The following PARVA variants were observed in gnomAD, a reference collection of about 807,000 sequenced individuals.
PARVA encodes alpha-parvin.
A neutral mutation model predicts 52.6 loss-of-function variants in PARVA; 25 were observed. The observed-to-expected ratio is 0.48, with a 90% confidence interval of 0.35 to 0.66. The LOEUF (loss-of-function observed/expected upper bound fraction) is 0.66. PARVA is among the 30% of genes least tolerant of loss of function. The pLI, the probability that PARVA is intolerant of heterozygous loss-of-function variation, is 0.01. For synonymous variants in PARVA, 185 were observed against 179.1 expected (o/e 1.03, Z -0.26); for missense variants, 373 against 450.9 (o/e 0.83, Z 1.56).
chr11:12,387,033 G>T (rs1589937153), intron 1 of PARVA, among the ~76,000 whole-genome samples: 4 of 152,192 alleles, frequency 2.6e-5, no homozygotes, highest in Non-Finnish European at 5.9e-5. Flanking sequence ...TCATAATTAT[G>T]TTCCAGCCAT....
At chr11:12,489,077 C>A (rs1589977542) in intron 4 of PARVA, among the ~76,000 whole-genome samples, 1 of 151,796 alleles carries the variant, frequency 6.6e-6, no homozygotes, top group Non-Finnish European at 1.5e-5. Flanking sequence ...GTAGCCCCAG[C>A]ACTTTGGGAA....
intron 4 of PARVA, among the ~76,000 whole-genome samples, chr11:12,495,147 T>G (rs11022374): frequency 6.6e-6 from 1 of 151,986 alleles, no homozygotes; most frequent in East Asian, 1.9e-4. Context: ...ACATTTAGAT[T>G]TATTCTTGTT....
intron 1 of PARVA, among the ~76,000 whole-genome samples, chr11:12,393,433 G>A (rs1490947332): frequency 6.6e-6 from 1 of 152,176 alleles, no homozygotes; most frequent in Non-Finnish European, 1.5e-5. Context: ...CAAGTTCTTG[G>A]AAGCTTAACA....
chr11:12,503,790 T>G (rs1334761926), intron 5 of PARVA, among the ~76,000 whole-genome samples: 1 of 152,114 alleles, frequency 6.6e-6, no homozygotes, highest in Non-Finnish European at 1.5e-5. Flanking sequence ...ACCACAGGTG[T>G]CCCCTGACCC....
chr11:12,395,385 T>C (rs765144273), intron 1 of PARVA, among the ~76,000 whole-genome samples: 7 of 152,192 alleles, frequency 4.6e-5, no homozygotes, highest in South Asian at 2.1e-4. Context: ...TTGGGAGCCA[T>C]TGGTCAGCTT....
intron 5 of PARVA, among the ~76,000 whole-genome samples, chr11:12,501,192 CAT>C (rs79960211): frequency 0.12 from 17,864 of 151,468 alleles, 1,187 homozygotes; most frequent in Non-Finnish European, 0.16. Context: ...GCCACAAGCA[CAT>C]GTTTGTGTGT....
chr11:12,400,769 CAT>C (rs1417633135), intron 1 of PARVA, among the ~76,000 whole-genome samples: 1 of 152,096 alleles, frequency 6.6e-6, no homozygotes, highest in African/African-American at 2.4e-5. Flanking sequence ...GAATTTCTGA[CAT>C]ATTTTTGTTA....
chr11:12,497,878 G>A (rs1459184217), intron 5 of PARVA, among the ~76,000 whole-genome samples: 2 of 152,138 alleles, frequency 1.3e-5, no homozygotes, highest in African/African-American at 2.4e-5. Flanking sequence ...GTCCTCTAAT[G>A]AAGACTGCTG....
At chr11:12,459,813 GATT>G (rs1940751997) in intron 1 of PARVA, among the ~76,000 whole-genome samples, 2 of 152,090 alleles carry the variant, frequency 1.3e-5, no homozygotes, top group South Asian at 4.2e-4. Context: ...TAAGCAGTAG[GATT>G]ATTTTCTCTT....
At chr11:12,444,675 A>T (rs1402338754) in intron 1 of PARVA, among the ~76,000 whole-genome samples, 1 of 151,926 alleles carries the variant, frequency 6.6e-6, no homozygotes, top group East Asian at 1.9e-4. Flanking sequence ...TGATCCTCCC[A>T]CCTCAGCCTC....
chr11:12,446,304 C>G (rs1453527681), intron 1 of PARVA, among the ~76,000 whole-genome samples: 2 of 152,154 alleles, frequency 1.3e-5, no homozygotes, highest in African/African-American at 4.8e-5. Flanking sequence ...GTTAAAACAA[C>G]TGTGAGTTAC....
At position 12,486,269 on chromosome 11, in the gene PARVA, C is replaced by A. The variant is rs969721242; in HGVS notation, c.400+8320C>A. Among the ~76,000 whole-genome samples the A allele has an allele frequency of 5.3e-5, 8 of 152,206 alleles. No homozygotes were observed. In the East Asian group the frequency reaches 1.5e-3, roughly 29 times the overall value. On this transcript the variant is annotated intron_variant, in intron 4 of 12. Transcript: ENST00000334956. ...AAATAAAGGGCTGGGCGCCGTGGCT[C>A]ACACCTGTAATCTCAGCACTTTGGG...
intron 10 of PARVA, among the ~76,000 whole-genome samples, chr11:12,517,303 A>ACCCCCCCC (rs1564869136): frequency 8.9e-5 from 10 of 112,478 alleles, no homozygotes; most frequent in African/African-American, 2.8e-4. Context: ...AGCCACACTG[A>ACCCCCCCC]CCACCCCCCA....
chr11:12,461,011 C>T (rs1057189409), intron 1 of PARVA, among the ~76,000 whole-genome samples: 6 of 152,116 alleles, frequency 3.9e-5, no homozygotes, highest in South Asian at 2.1e-4. Flanking sequence ...TTGCAGTTTG[C>T]GGGATGCAGC....
chr11:12,496,380 A>AAGTGCATGCAG (rs1182993501), intron 4 of PARVA, 78 bp from the exon 5 acceptor site: 4 of 1,112,470 alleles, frequency 3.6e-6, no homozygotes, highest in Non-Finnish European at 4.9e-6. Context: ...GAGAGACCGA[A>AAGTGCATGCAG]TAACTGAGTA....
chr11:12,476,118 A>G (rs1564856948), intron 3 of PARVA, among the ~76,000 whole-genome samples: 1 of 152,138 alleles, frequency 6.6e-6, no homozygotes, highest in Non-Finnish European at 1.5e-5. Flanking sequence ...TGGGCTCCAA[A>G]TGGTTTAGGC....
chr11:12,423,698 A>G (rs1940186363), intron 1 of PARVA, among the ~76,000 whole-genome samples: 1 of 152,166 alleles, frequency 6.6e-6, no homozygotes, highest in Non-Finnish European at 1.5e-5. Flanking sequence ...AGGTTGTTCC[A>G]CCAGCATTTA....
intron 9 of PARVA, 49 bp downstream of exon 9, chr11:12,513,409 A>G (rs375990741): frequency 6.5e-7 from 1 of 1,530,212 alleles, no homozygotes; most frequent in Non-Finnish European, 9.1e-7. Flanking sequence ...GATGCAACAG[A>G]ACATTGGGAA....
intron 5 of PARVA, among the ~76,000 whole-genome samples, chr11:12,497,397 C>T (rs774799501): frequency 1.3e-4 from 20 of 152,146 alleles, no homozygotes; most frequent in Admixed American, 2.6e-4. Flanking sequence ...TGCTTTATTG[C>T]GTCTAACTTA....
Sources: allele counts gnomAD v4.1 joint callset (sites outside exome capture counted in the v4.1 genomes callset), GRCh38; gene constraint gnomAD v4.1.1; transcripts MANE v1.5; gene names NCBI Gene and HGNC (gene_info 2026-07-23, HGNC 2026-07-21).